Variants in DNAJC5 observed in about 807,000 individuals in gnomAD.
The protein encoded by DNAJC5 is dnaJ homolog subfamily C member 5.
DNAJC5 carries 1 observed loss-of-function variant against 23.2 expected under a neutral mutation model. That is an observed-to-expected ratio of 0.04 (90% CI 0.02 to 0.20). DNAJC5 has a LOEUF of 0.20. Ranked by LOEUF, DNAJC5 falls within the 10% of genes least tolerant of loss-of-function variation. The probability of loss-of-function intolerance (pLI) is 1.00; values close to 1 mark genes in which losing one functional copy is unlikely to be tolerated. For synonymous variants in DNAJC5, 136 were observed against 120.0 expected (o/e 1.13, Z -0.87); for missense variants, 180 against 267.0 (o/e 0.67, Z 2.27).
rs1439260466 is a variant in DNAJC5, at chr20:63,933,984, T to A, written c.*2416T>A. 2.6e-5 allele frequency: 4 copies of A among 152,192 alleles called. No homozygotes were observed. Among genetic ancestry groups the A allele is most frequent in the South Asian group, 2.1e-4 (1 of 4,808 alleles). The allele number at this position is 152,192 out of a possible 1,614,324, so 9.4% of individuals were successfully genotyped here. The stretch of plus-strand genomic sequence containing the variant: ...TGGGAAAGAGGAGCAGGTCTGGAGG[T>A]TTGTGGAACCCAGTCCCCTGCAGAA... On this transcript the variant is annotated 3_prime_UTR_variant, in exon 5 of 5. Coordinates refer to ENST00000360864, the MANE Select transcript of DNAJC5 (RefSeq NM_025219.3).
chr20:63,912,752 C>T (rs1345618168), intron 1 of DNAJC5, among the ~76,000 whole-genome samples: 1 of 152,156 alleles, frequency 6.6e-6, no homozygotes, highest in East Asian at 1.9e-4. Flanking sequence ...GGACTACAGG[C>T]GCCTGCCACC....
intron 1 of DNAJC5, among the ~76,000 whole-genome samples, chr20:63,909,471 G>C (rs2053468473): frequency 6.6e-6 from 1 of 151,538 alleles, no homozygotes; most frequent in Non-Finnish European, 1.5e-5. Flanking sequence ...CCACTGCACT[G>C]CAGCCTGGGC....
At position 63,909,896 on chromosome 20, in the gene DNAJC5, A is replaced by C. The variant is rs78901365; in HGVS notation, c.-12+14573A>C. Among the ~76,000 whole-genome samples, 70 of 152,348 alleles carry C rather than the reference A, an allele frequency of 4.6e-4. 1 individual carries two copies. The East Asian group carries it at 0.013, about 28-fold the overall frequency. On this transcript the variant is annotated intron_variant, in intron 1 of 4. Transcript: ENST00000360864. The stretch of plus-strand genomic sequence containing the variant: ...GCGGATTTAGTATTGTGAGGGTAGA[A>C]GACCAGCAAGCAGCATGACCTCGTG...
chr20:63,905,117 C>A (rs1446405733), intron 1 of DNAJC5, among the ~76,000 whole-genome samples: 1 of 118,512 alleles, frequency 8.4e-6, no homozygotes, highest in Admixed American at 8.5e-5. Flanking sequence ...TTTTTTTTTT[C>A]CTGTCTTTTG....
intron 1 of DNAJC5, among the ~76,000 whole-genome samples, chr20:63,909,490 G>T (rs543358106): frequency 2.0e-5 from 3 of 148,518 alleles, no homozygotes; most frequent in African/African-American, 7.5e-5. Flanking sequence ...GCGACAGAGC[G>T]AGATTCCGTC....
At chr20:63,905,568 A>ATTT (rs543822378) in intron 1 of DNAJC5, among the ~76,000 whole-genome samples, 2 of 130,120 alleles carry the variant, frequency 1.5e-5, no homozygotes, top group East Asian at 2.3e-4. Flanking sequence ...CACATGGCAG[A>ATTT]TTTTTTTTTT....
At chr20:63,897,412 A>G (rs967649568) in intron 1 of DNAJC5, among the ~76,000 whole-genome samples, 1 of 150,982 alleles carries the variant, frequency 6.6e-6, no homozygotes, top group Non-Finnish European at 1.5e-5. Flanking sequence ...AAATAAAAAT[A>G]AAAATTAGCT....
At position 63,931,418 on chromosome 20, in the gene DNAJC5, C is replaced by T. The variant is rs1434754026; in HGVS notation, c.494-47C>T. Reference sequence around the variant, plus strand: ...CTCCACAGGACCAGCGTTGGGTGCGCGCCAGGCTGTGGCCCTCGTGCAGTG... The same window carrying T: ...CTCCACAGGACCAGCGTTGGGTGCGTGCCAGGCTGTGGCCCTCGTGCAGTG... On this transcript the variant is annotated intron_variant, in intron 4 of 4. Transcript: ENST00000360864. This position sits in a 1 kb window ranked among gnomAD's most constrained non-coding sequence, Gnocchi z 9.6. The T allele has an allele frequency of 6.6e-6, 10 of 1,510,502 alleles. No homozygotes were observed. Among genetic ancestry groups the T allele is most frequent in the South Asian group, 4.8e-5 (4 of 83,472 alleles). 93.6% of individuals were successfully genotyped at this position (1,510,502 alleles called of 1,614,324 possible).
chr20:63,901,671 G>A (rs1463559770), intron 1 of DNAJC5, among the ~76,000 whole-genome samples: 1 of 152,226 alleles, frequency 6.6e-6, no homozygotes, highest in Non-Finnish European at 1.5e-5. Context: ...GTGCGGCCCT[G>A]CCTGGCTTTT....
chr20:63,911,215 GT>G (rs1482286908), intron 1 of DNAJC5, among the ~76,000 whole-genome samples: 1 of 152,166 alleles, frequency 6.6e-6, no homozygotes, highest in Admixed American at 6.5e-5. Context: ...GTTTGGTTTT[GT>G]TTCTCTGTAG....
intron 3 of DNAJC5, among the ~76,000 whole-genome samples, 181 bp from the exon 4 acceptor site, chr20:63,930,670 G>A (rs546066348): frequency 2.1e-4 from 32 of 152,314 alleles, no homozygotes; most frequent in African/African-American, 6.7e-4. Flanking sequence ...TCTTTAAGCT[G>A]CGGGTTTCTT....
intron 1 of DNAJC5, among the ~76,000 whole-genome samples, chr20:63,899,787 T>C (rs562682314): frequency 2.0e-5 from 3 of 152,134 alleles, no homozygotes; most frequent in African/African-American, 7.2e-5. Flanking sequence ...TTCGCGGTGT[T>C]AGCCAGGATG....
chr20:63,901,027 C>G (rs777182021), intron 1 of DNAJC5, among the ~76,000 whole-genome samples: 2 of 152,160 alleles, frequency 1.3e-5, no homozygotes, highest in South Asian at 2.1e-4. Flanking sequence ...TGCAGTGGCA[C>G]GATCGTGTCT....
In DNAJC5 at chr20:63,920,137, G is replaced by A. The variant is rs148498083; in HGVS notation, c.-11-8198G>A. Among the ~76,000 whole-genome samples the A allele has an allele frequency of 9.6e-3, 1,409 of 147,238 alleles. 8 individuals are homozygous for A. The highest frequency in any genetic ancestry group is 0.015 in the Non-Finnish European group (979 of 66,572). On this transcript the variant is annotated intron_variant, in intron 1 of 4. Coordinates refer to ENST00000360864, the MANE Select transcript of DNAJC5 (RefSeq NM_025219.3). The surrounding 1 kb of genome is among the most constrained non-coding windows in gnomAD (Gnocchi z 4.6). The stretch of plus-strand genomic sequence containing the variant: ...CCGGGACAGCGCCACGGAAGAGGAC[G>A]CACAGGACAGCGCCACGGAAGAGGA...
intron 1 of DNAJC5, among the ~76,000 whole-genome samples, chr20:63,908,291 T>C (rs1004581512): frequency 1.3e-5 from 2 of 151,914 alleles, no homozygotes; most frequent in South Asian, 2.1e-4. Context: ...GGCCAGGGGG[T>C]GAGTGTGGGA....
chr20:63,929,178 G>T lies in DNAJC5; in HGVS notation c.108-134G>T. ...TCCCTGGCCCCTGCAGCCCTGGAGA[G>T]TCGGACAGTGAGGTGGCCTGGGTGG... is the stretch of plus-strand genomic sequence containing the variant. On this transcript the variant is annotated intron_variant, in intron 2 of 4. Coordinates refer to ENST00000360864, the MANE Select transcript of DNAJC5 (RefSeq NM_025219.3). The surrounding 1 kb of genome is among the most constrained non-coding windows in gnomAD (Gnocchi z 8.6). 2 of 1,048,218 alleles carry T rather than the reference G, an allele frequency of 1.9e-6. No homozygotes were observed. The highest frequency in any genetic ancestry group is 1.4e-5 in the South Asian group (1 of 73,398). The allele number at this position is 1,048,218 out of a possible 1,614,324, so 64.9% of individuals were successfully genotyped here. A position where few individuals can be genotyped will look rare whatever the true frequency, so the allele number is the denominator to read the frequency against.
intron 1 of DNAJC5, among the ~76,000 whole-genome samples, chr20:63,899,316 C>T (rs1204151874): frequency 6.6e-6 from 1 of 152,148 alleles, no homozygotes; most frequent in African/African-American, 2.4e-5. Context: ...AGCAGCTAGT[C>T]TGTTATCAGT....
intron 1 of DNAJC5, among the ~76,000 whole-genome samples, chr20:63,917,194 G>A (rs1173585178): frequency 6.6e-6 from 1 of 152,150 alleles, no homozygotes; most frequent in African/African-American, 2.4e-5. Context: ...GCTCCAGCCG[G>A]TCCATCTGTT....
chr20:63,927,550 AAG>A (rs369877638), intron 1 of DNAJC5, among the ~76,000 whole-genome samples: 190 of 123,688 alleles, frequency 1.5e-3, no homozygotes, highest in South Asian at 2.4e-3. Context: ...CCCCCCAAAA[AAG>A]AAAGAAAGAA....
Sources: allele counts gnomAD v4.1 joint callset (sites outside exome capture counted in the v4.1 genomes callset), GRCh38; gene constraint gnomAD v4.1.1; non-coding constraint Gnocchi (gnomAD v3.1); transcripts MANE v1.5; gene names NCBI Gene and HGNC (gene_info 2026-07-23, HGNC 2026-07-21).